The following GBA1 variants were observed in gnomAD, a reference collection of about 807,000 sequenced individuals.
GBA1 encodes lysosomal acid glucosylceramidase.
At chr1:155,244,098 T>C in the GBA1 span, 1 of 152,402 alleles carries the variant, frequency 6.6e-6, no homozygotes, top group South Asian at 2.1e-4. Flanking sequence ...TCCTTACCGT[T>C]AAAAATAATA....
chr1:155,244,163 G>C, the GBA1 span: 1 of 152,300 alleles, frequency 6.6e-6, no homozygotes. Context: ...TGTTTGGCAG[G>C]CCGAGGCGGG....
At chr1:155,239,205 G>A in the GBA1 span, among the ~76,000 whole-genome samples, 6 of 149,618 alleles carry the variant, frequency 4.0e-5, no homozygotes, top group Admixed American at 1.3e-4. Flanking sequence ...GTGACAGTGC[G>A]AGACTCTGTC....
At chr1:155,242,101 T>A in the GBA1 span, among the ~76,000 whole-genome samples, 2 of 152,198 alleles carry the variant, frequency 1.3e-5, no homozygotes, top group South Asian at 4.1e-4. Flanking sequence ...GCCCATTTCC[T>A]TGCCTGGAAA....
the GBA1 span, chr1:155,244,595 G>A: frequency 1.3e-5 from 2 of 152,350 alleles, no homozygotes; most frequent in East Asian, 3.8e-4. Flanking sequence ...CTGGAGACTG[G>A]GGCCCCGCGC....
At chr1:155,237,583 C>A in the GBA1 span, 2 of 1,613,200 alleles carry the variant, frequency 1.2e-6, no homozygotes, top group African/African-American at 2.7e-5. Context: ...AGGAACCTGG[C>A]AAGAGAAAGG....
chr1:155,237,327 G>A, the GBA1 span: 20 of 1,613,840 alleles, frequency 1.2e-5, no homozygotes, highest in Middle Eastern at 1.6e-4. Context: ...GCACCATGGA[G>A]GTCCAGGCCT....
At chr1:155,239,657 G>T in the GBA1 span, 6 of 1,614,098 alleles carry the variant, frequency 3.7e-6, no homozygotes, top group Admixed American at 3.3e-5. Context: ...ATTTTGGGCA[G>T]GGGGTGACAG....
chr1:155,235,164 C>G, the GBA1 span: 1 of 1,567,938 alleles, frequency 6.4e-7, no homozygotes, highest in East Asian at 2.3e-5. Context: ...CTGTCTTCAG[C>G]CCACTTCCCA....
At chr1:155,236,154 A>G in the GBA1 span, 2 of 1,150,812 alleles carry the variant, frequency 1.7e-6, no homozygotes, top group African/African-American at 3.1e-5. Context: ...AGCTGGGGAA[A>G]GCTGGACAGG....
At chr1:155,243,328 GTTCA>G in the GBA1 span, among the ~76,000 whole-genome samples, 2 of 152,122 alleles carry the variant, frequency 1.3e-5, no homozygotes, top group Non-Finnish European at 2.9e-5. Flanking sequence ...CTTCCCTCAA[GTTCA>G]TTCATCTCAC....
At chr1:155,237,484 G>C in the GBA1 span, 1 of 1,613,996 alleles carries the variant, frequency 6.2e-7, no homozygotes, top group Admixed American at 1.7e-5. Context: ...CCCAGGCACT[G>C]GAAGGGGTAT....
chr1:155,244,257 G>A, the GBA1 span: 2 of 152,040 alleles, frequency 1.3e-5, no homozygotes, highest in Non-Finnish European at 2.9e-5. Context: ...AAAATTAGCC[G>A]TGCGTGGTGG....
chr1:155,242,830 T>G, the GBA1 span, among the ~76,000 whole-genome samples: 1 of 152,114 alleles, frequency 6.6e-6, no homozygotes, highest in African/African-American at 2.4e-5. Flanking sequence ...TGACCTCAGG[T>G]GATCCACCAG....
chr1:155,235,760 C>G, the GBA1 span: 1 of 1,614,204 alleles, frequency 6.2e-7, no homozygotes, highest in Non-Finnish European at 8.5e-7. Context: ...GGACTGTCGA[C>G]AAAGTTACGC....
chr1:155,241,150 G>A, the GBA1 span: 1 of 1,606,200 alleles, frequency 6.2e-7, no homozygotes, highest in African/African-American at 1.3e-5. Context: ...GACCACAGGG[G>A]TTCCAGAGTC....
the GBA1 span, chr1:155,240,060 G>A: frequency 6.2e-7 from 1 of 1,613,896 alleles, no homozygotes; most frequent in East Asian, 2.2e-5. Context: ...AAGCTTTTAG[G>A]GATGCAGGGG....
chr1:155,240,032 A>G, the GBA1 span: 1 of 1,614,018 alleles, frequency 6.2e-7, no homozygotes, highest in Non-Finnish European at 8.5e-7. Context: ...GCAGACACAC[A>G]CCACCGAGCT....
chr1:155,236,175 G>T, the GBA1 span: 1 of 1,335,896 alleles, frequency 7.5e-7, no homozygotes, highest in Non-Finnish European at 1.1e-6. Context: ...AAGGGCTTCT[G>T]TCAGTCTTTG....
chr1:155,239,198 AC>A, the GBA1 span, among the ~76,000 whole-genome samples: 2 of 150,934 alleles, frequency 1.3e-5, no homozygotes, highest in African/African-American at 4.9e-5. Flanking sequence ...AGCCTGGGTG[AC>A]AGTGCGAGAC....
Sources: gnomAD v4.1 joint callset for allele counts (sites outside exome capture counted in the v4.1 genomes callset) on GRCh38, gnomAD v4.1.1 for gene constraint, MANE v1.5 for transcripts, NCBI Gene and HGNC (gene_info 2026-07-23, HGNC 2026-07-21) for gene names.